The following SLC2A14 variants were observed in gnomAD, a reference collection of about 807,000 sequenced individuals.
SLC2A14 encodes solute carrier family 2, facilitated glucose transporter member 14.
In SLC2A14, 13 loss-of-function variants were observed where a neutral mutation model predicts 43.0. The ratio of observed to expected loss-of-function variants is 0.30; its 90% confidence interval spans 0.20 to 0.48. SLC2A14 has a LOEUF of 0.48. Among genes scored for constraint, SLC2A14 ranks in the 20% least tolerant of loss-of-function variants. The pLI, the probability that SLC2A14 is intolerant of heterozygous loss-of-function variation, is 0.99. For missense variants in SLC2A14, 428 were observed against 620.4 expected (o/e 0.69, Z 3.29); for synonymous variants, 190 against 233.8 (o/e 0.81, Z 1.71).
intron 1 of SLC2A14, among the ~76,000 whole-genome samples, chr12:7,878,879 A>G (rs1945511290): frequency 7.1e-6 from 1 of 140,420 alleles, no homozygotes; most frequent in Admixed American, 8.2e-5. Context: ...CAGGAGGCTG[A>G]GGCAGAAGAA....
chr12:7,871,871 A>G (rs990307519), intron 1 of SLC2A14: 7 of 983,490 alleles, frequency 7.1e-6, no homozygotes, highest in Non-Finnish European at 7.2e-6. Flanking sequence ...GCGCACACCC[A>G]CCCAGAGCAG....
intron 2 of SLC2A14, among the ~76,000 whole-genome samples, chr12:7,841,862 G>A (rs528088519): frequency 4.0e-4 from 61 of 151,950 alleles, no homozygotes; most frequent in South Asian, 1.7e-3. Context: ...AAAATTAGCC[G>A]GGCGTAGTGG....
intron 2 of SLC2A14, among the ~76,000 whole-genome samples, chr12:7,867,301 C>A (rs11837567): frequency 0.33 from 11,099 of 33,424 alleles, 1,450 homozygotes; most frequent in South Asian, 0.4. Context: ...AAAAAAAAAA[C>A]AAAAAAAACA....
chr12:7,886,692 C>T (rs1402169525), intron 1 of SLC2A14, among the ~76,000 whole-genome samples: 1 of 151,978 alleles, frequency 6.6e-6, no homozygotes, highest in East Asian at 1.9e-4. Context: ...GGAAGGAAGA[C>T]TGTTAGTTGT....
intron 2 of SLC2A14, among the ~76,000 whole-genome samples, chr12:7,837,666 C>A (rs1865570524): frequency 1.2e-5 from 1 of 84,826 alleles, no homozygotes; most frequent in African/African-American, 5.4e-5. Flanking sequence ...AGATGGTTCA[C>A]ATGGTAACCA....
At chr12:7,863,297 A>T (rs1944702792) in intron 2 of SLC2A14, 5 of 434,322 alleles carry the variant, frequency 1.2e-5, no homozygotes, top group South Asian at 8.0e-5. Flanking sequence ...CAGAAGGAAA[A>T]CACTCCGAAC....
chr12:7,818,951 C>T (rs1439847291), intron 9 of SLC2A14, among the ~76,000 whole-genome samples: 2 of 152,154 alleles, frequency 1.3e-5, no homozygotes, highest in African/African-American at 4.8e-5. Context: ...GGCACAGTGG[C>T]TCATGCCTGT....
intron 2 of SLC2A14, among the ~76,000 whole-genome samples, chr12:7,844,818 G>T (rs1162077695): frequency 6.6e-6 from 1 of 152,054 alleles, no homozygotes; most frequent in Non-Finnish European, 1.5e-5. Context: ...TTACAGGTGT[G>T]AGCCACCGCA....
Position 7,842,722 on chromosome 12 carries a change from C to CT in SLC2A14, c.19-9909dup, listed in dbSNP as rs59107341. 5.6e-3 allele frequency among the ~76,000 whole-genome samples: 777 copies of CT among 139,524 alleles called. 1 individual carries two copies. Among genetic ancestry groups the CT allele is most frequent in the African/African-American group, 0.012 (444 of 38,104 alleles). The allele number at this position is 139,524 out of a possible 152,430, so 91.5% of individuals were successfully genotyped here. On this transcript the variant is annotated intron_variant, in intron 2 of 10. Transcript: ENST00000431042. The stretch of plus-strand genomic sequence containing the variant: ...ACTCACATCTACTCTTTCTTTTTCT[C>CT]TTTTTTTTTTTTTTGTTTTTTTTGT...
rs188469168 is a variant in SLC2A14, at chr12:7,865,308, T to C, written c.18+4555A>G. 7.9e-3 allele frequency among the ~76,000 whole-genome samples: 1,202 copies of C among 152,066 alleles called. 61 individuals carry two copies. Among genetic ancestry groups the C allele is most frequent in the Admixed American group, 0.07 (1,074 of 15,244 alleles). On this transcript the variant is annotated intron_variant, in intron 2 of 10. Transcript: ENST00000431042. ...ATCCCAGCACTTTGGGAGGCCAAGG[T>C]GGGCGGATCACGAGGTCAGGAGATC...
chr12:7,890,455 G>A (rs1347596034), intron 1 of SLC2A14, among the ~76,000 whole-genome samples: 2 of 151,828 alleles, frequency 1.3e-5, no homozygotes, highest in Non-Finnish European at 2.9e-5. Context: ...TCCATTATTT[G>A]TACTCTCTTA....
At chr12:7,855,476 C>A (rs145151259) in intron 2 of SLC2A14, among the ~76,000 whole-genome samples, 7 of 152,034 alleles carry the variant, frequency 4.6e-5, no homozygotes, top group Middle Eastern at 3.4e-3. Flanking sequence ...CCCTTGCTCC[C>A]CAAATGGCTG....
intron 7 of SLC2A14, among the ~76,000 whole-genome samples, chr12:7,825,654 T>C (rs1331837640): frequency 6.7e-6 from 1 of 150,206 alleles, no homozygotes; most frequent in Non-Finnish European, 1.5e-5. Flanking sequence ...TCCCAGCTAC[T>C]TGGGAGGCTG....
At chr12:7,840,731 A>G (rs1865883280) in intron 2 of SLC2A14, among the ~76,000 whole-genome samples, 1 of 152,192 alleles carries the variant, frequency 6.6e-6, no homozygotes, top group Non-Finnish European at 1.5e-5. Context: ...GACAGAGGGT[A>G]GGGATAGGAG....
chr12:7,829,056 T>C (rs1235231084), intron 5 of SLC2A14, among the ~76,000 whole-genome samples, 190 bp from the exon 6 acceptor site: 1 of 151,504 alleles, frequency 6.6e-6, no homozygotes, highest in Non-Finnish European at 1.5e-5. Flanking sequence ...CTACTAAAAA[T>C]ACAAAAATTA....
intron 1 of SLC2A14, chr12:7,871,001 A>C (rs114206959): frequency 6.9e-7 from 1 of 1,440,028 alleles, no homozygotes; most frequent in Non-Finnish European, 9.4e-7. Flanking sequence ...TGATGGCTTC[A>C]ATGACAAGGG....
intron 2 of SLC2A14, among the ~76,000 whole-genome samples, chr12:7,868,328 A>T (rs1945037576): frequency 6.6e-6 from 1 of 152,238 alleles, no homozygotes; most frequent in Non-Finnish European, 1.5e-5. Context: ...GAAATACACA[A>T]CAGTATAATG....
At chr12:7,874,743 A>ATT (rs1299877565), upstream of SLC2A14, among the ~76,000 whole-genome samples, 35 of 112,948 alleles carry the variant, frequency 3.1e-4, no homozygotes, top group South Asian at 1.5e-3. Flanking sequence ...ATATAAAAAT[A>ATT]TATATAAATA....
At chr12:7,855,166 A>T (rs1214869880) in intron 2 of SLC2A14, among the ~76,000 whole-genome samples, 1 of 152,114 alleles carries the variant, frequency 6.6e-6, no homozygotes, top group Non-Finnish European at 1.5e-5. Flanking sequence ...TCCAGTCTTC[A>T]TCACTTCCCA....
Sources: allele counts gnomAD v4.1 joint callset (sites outside exome capture counted in the v4.1 genomes callset), GRCh38; gene constraint gnomAD v4.1.1; transcripts MANE v1.5; gene names NCBI Gene and HGNC (gene_info 2026-07-23, HGNC 2026-07-21).